SRRM2: variants seen among roughly 807,000 people sequenced by gnomAD.
The protein encoded by SRRM2 is serine/arginine repetitive matrix protein 2.
In SRRM2, 30 loss-of-function variants were observed where a neutral mutation model predicts 213.8. The ratio of observed to expected loss-of-function variants is 0.14; its 90% CI spans 0.10 to 0.19. The LOEUF is 0.19. Among genes scored for constraint, SRRM2 ranks in the 10% least tolerant of loss-of-function variants. The pLI is 1.00. For synonymous variants in SRRM2, 2,025 were observed against 1,377.7 expected, an observed-to-expected ratio of 1.47 and a Z score of -10.40; for missense variants, 4,904 against 3,647.0, an observed-to-expected ratio of 1.34 and a Z score of -8.88.
In SRRM2 at chr16:2,765,613, G is replaced by A. The variant is rs187050172; in HGVS notation, c.5085G>A (p.Pro1695=). ...PPRRRSSRSS[P]ELTRKARLSR... ...GACGTCGCAGCTCTCGATCATCTCC[G>A]GAGCTAACAAGGAAGGCCAGACTGT... Residue 1695 remains proline, a synonymous_variant, in exon 11 of 15, where the codon CCG becomes CCA. Coordinates refer to ENST00000301740, the MANE Select transcript of SRRM2 (RefSeq NM_016333.4). 33 of 1,614,072 alleles carry A rather than the reference G, an allele frequency of 2.0e-5. No homozygotes were observed. Among genetic ancestry groups the A allele is most frequent in the Admixed American group, 3.3e-5 (2 of 59,994 alleles).
intron 10 of SRRM2, chr16:2,760,818 C>T (rs1277389282): frequency 3.9e-6 from 1 of 255,686 alleles, no homozygotes; most frequent in Non-Finnish European, 7.7e-6. Context: ...TCTCTTTTTT[C>T]ATTAAATGCT....
rs148157976 is a variant in SRRM2 at position 2,765,387 on chromosome 16, C to T, written c.4859C>T (p.Ser1620Phe). Reference sequence around the variant, plus strand: ...CCCAGGGCACAGAGTGGTTCTGATTCCTCTCCTGAACCTAAAGCTCCAGCC... The same window carrying T: ...CCCAGGGCACAGAGTGGTTCTGATTTCTCTCCTGAACCTAAAGCTCCAGCC... Reference protein sequence around the residue: ...AAPRAQSGSDSSPEPKAPAPR... With the variant: ...AAPRAQSGSDFSPEPKAPAPR... The change falls in exon 11 of 15, where the codon TCC (serine) becomes TTC (phenylalanine). Residue 1620 changes from serine (S) to phenylalanine (F), a missense_variant. By Grantham distance (155) the Ser-to-Phe change is radical (BLOSUM62 -2). Coordinates refer to ENST00000301740, the MANE Select transcript of SRRM2 (RefSeq NM_016333.4). The T allele has an allele frequency of 6.8e-6, 11 of 1,614,160 alleles. No homozygotes were observed. The highest frequency in any genetic ancestry group is 1.1e-5 in the South Asian group (1 of 91,086).
rs2068367159 is a variant in SRRM2, at chr16:2,761,969, A to T, written c.1441A>T (p.Met481Leu). Residue 481 changes from methionine (M) to leucine (L), a missense_variant, in exon 11 of 15, where the codon ATG becomes TTG. Transcript: ENST00000301740. ...KSHSHTPSRR[M>L]GRSRSPATAK... ...ACATTCTCATACCCCCTCCCGTAGG[A>T]TGGGGAGGTCCCGTAGCCCTGCCAC... The T allele has an allele frequency of 1.2e-6, 2 of 1,613,992 alleles. No homozygotes were observed. Among genetic ancestry groups the T allele is most frequent in the Non-Finnish European group, 1.7e-6 (2 of 1,179,992 alleles).
At chr16:2,760,091 G>A in intron 9 of SRRM2, 1 of 610,468 alleles carries the variant, frequency 1.6e-6, no homozygotes, top group Non-Finnish European at 2.9e-6. Context: ...AGGGGTAGAG[G>A]GAGAACGCTC....
chr16:2,757,104 T>C (rs140968001), intron 2 of SRRM2, among the ~76,000 whole-genome samples: 114 of 152,302 alleles, frequency 7.5e-4, no homozygotes, highest in African/African-American at 2.5e-3. Flanking sequence ...AAAACTCTTT[T>C]AGAGCAGTGG....
In SRRM2 at chr16:2,764,045, C is replaced by G; in HGVS notation, c.3517C>G (p.Gln1173Glu). 6.2e-7 allele frequency: 1 copy of G among 1,614,166 alleles called. No individual in the cohort carries two copies. The highest frequency in any genetic ancestry group is 8.5e-7 in the Non-Finnish European group (1 of 1,180,032). The change falls in exon 11 of 15, where the codon CAG (glutamine) becomes GAG (glutamate). Residue 1173 changes from glutamine (Q) to glutamate (E), a missense_variant. By Grantham distance (29) the Gln-to-Glu change is conservative (BLOSUM62 2). Transcript: ENST00000301740. ...AAAAGAGAAAATGGCCTTACCCCCT[C>G]AGGAGGATGCTACTGCATCACCTCC... ...ESKEKMALPP[Q>E]EDATASPPRQ...
Position 2,757,524 on chromosome 16 carries a change from C to T in SRRM2, c.295C>T (p.Leu99=), listed in dbSNP as rs1462077844. 2 of 1,614,038 alleles carry T rather than the reference C, an allele frequency of 1.2e-6. No homozygotes were observed. The highest frequency in any genetic ancestry group is 1.7e-6 in the Non-Finnish European group (2 of 1,180,002). Residue 99 remains leucine, a synonymous_variant, in exon 3 of 15, where the codon CTG becomes TTG. Coordinates refer to ENST00000301740, the MANE Select transcript of SRRM2 (RefSeq NM_016333.4). ...AGTGGCGACCTTTCGACTCATGTTG[C>T]TGGAGAAGGATGTGAACCCTGGGGG... ...EKVATFRLML[L]EKDVNPGGKE... is the part of the protein sequence containing the mutation.
chr16:2,757,362 C>T, intron 2 of SRRM2, 110 bp from the exon 3 acceptor site: 2 of 849,928 alleles, frequency 2.4e-6, no homozygotes, highest in Non-Finnish European at 1.9e-6. Flanking sequence ...GCGAAAAGTT[C>T]TGTGTGCGCA....
At position 2,770,396 on chromosome 16, in the gene SRRM2, G is replaced by C. The variant is rs747619364; in HGVS notation, c.8066G>C (p.Arg2689Pro). The C allele has an allele frequency of 1.2e-5, 20 of 1,609,328 alleles. No individual in the cohort carries two copies. Among genetic ancestry groups the C allele is most frequent in the Non-Finnish European group, 1.7e-5 (20 of 1,178,026 alleles). The change falls in exon 13 of 15, where the codon CGG becomes CCG. Residue 2689 changes from arginine (R) to proline (P), a missense_variant. Arg to Pro is a moderately radical substitution (Grantham distance 103). Transcript: ENST00000301740. ...RKPIDSLRDS[R>P]SLSYSPVERR... ...CCAATAGACTCCCTCAGGGACTCTC[G>C]GTCCCTCAGCTACTCGCCTGTGGAG...
rs758284820 is a variant in SRRM2 at position 2,771,281 on chromosome 16, T to C, written c.*414T>C. ...AGGGGCAGGAGTTGGAATTAGTTGG[T>C]CCCTACTGTCCCCCATGAGGTTGTG... On this transcript the variant is annotated 3_prime_UTR_variant, in exon 15 of 15. Coordinates refer to ENST00000301740, the MANE Select transcript of SRRM2 (RefSeq NM_016333.4). The C allele has an allele frequency of 1.2e-6, 1 of 850,848 alleles. No individual in the cohort carries two copies. Among genetic ancestry groups the C allele is most frequent in the Non-Finnish European group, 1.9e-6 (1 of 516,948 alleles). 52.7% of individuals were successfully genotyped at this position (850,848 alleles called of 1,614,324 possible). A position where few individuals can be genotyped will look rare whatever the true frequency, so the allele number is the denominator to read the frequency against.
rs2068457478 is a variant in SRRM2, at chr16:2,764,118, A to C, written c.3590A>C (p.Glu1197Ala). The C allele has an allele frequency of 6.2e-7, 1 of 1,614,062 alleles. No homozygotes were observed. Among genetic ancestry groups the C allele is most frequent in the African/African-American group, 1.3e-5 (1 of 74,928 alleles). Reference sequence around the variant, plus strand: ...CCCTTTCCAGTACAGGATAGGCCTGAGTCTTCACTGGTATTCAAAGACACA... The same window carrying C: ...CCCTTTCCAGTACAGGATAGGCCTGCGTCTTCACTGGTATTCAAAGACACA... ...FSPFPVQDRP[E>A]SSLVFKDTLR... The change falls in exon 11 of 15, where the codon GAG becomes GCG. Residue 1197 changes from glutamate to alanine, a missense_variant. By Grantham distance (107) the Glu-to-Ala change is moderately radical. Coordinates refer to ENST00000301740, the MANE Select transcript of SRRM2 (RefSeq NM_016333.4).
At position 2,763,821 on chromosome 16, in the gene SRRM2, G is replaced by C; in HGVS notation, c.3293G>C (p.Arg1098Pro). 6.2e-7 allele frequency: 1 copy of C among 1,614,118 alleles called. No individual in the cohort carries two copies. The highest frequency in any genetic ancestry group is 8.5e-7 in the Non-Finnish European group (1 of 1,180,014). Reference sequence around the variant, plus strand: ...TCTCAAACATCACCTAAGGGAGGTCGGTCCAGGTCTTCATCTCCAGTCACT... The same window carrying C: ...TCTCAAACATCACCTAAGGGAGGTCCGTCCAGGTCTTCATCTCCAGTCACT... ...SKSQTSPKGG[R>P]SRSSSPVTEL... Residue 1098 changes from arginine to proline, a missense_variant, in exon 11 of 15, where the codon CGG becomes CCG. Arg to Pro is a moderately radical substitution (Grantham distance 103, BLOSUM62 -2). Transcript: ENST00000301740.
chr16:2,754,514 T>G (rs1226429204), intron 1 of SRRM2, among the ~76,000 whole-genome samples: 2 of 152,140 alleles, frequency 1.3e-5, no homozygotes, highest in Non-Finnish European at 2.9e-5. Context: ...CTGGTGTCAA[T>G]CTCCTGATCT....
Position 2,762,540 on chromosome 16 carries a change from C to G in SRRM2, c.2012C>G (p.Ser671Cys), listed in dbSNP as rs559774892. ...RTPARRGRSR[S>C]RTPARRSGRS... ...CCAGCCAGACGTGGCCGCTCACGCTCTAGAACCCCAGCTAGACGCAGTGGT... is the reference window on the plus strand; with the variant it reads ...CCAGCCAGACGTGGCCGCTCACGCTGTAGAACCCCAGCTAGACGCAGTGGT... Residue 671 changes from serine to cysteine, a missense_variant, in exon 11 of 15, where the codon TCT becomes TGT. Ser to Cys is a moderately radical substitution (Grantham distance 112). Transcript: ENST00000301740. 1.9e-6 allele frequency: 3 copies of G among 1,614,042 alleles called. No individual in the cohort carries two copies. Among genetic ancestry groups the G allele is most frequent in the Non-Finnish European group, 2.5e-6 (3 of 1,180,008 alleles).
chr16:2,758,337 C>T (rs988761240), intron 4 of SRRM2, 133 bp from the exon 5 acceptor site: 20 of 838,236 alleles, frequency 2.4e-5, no homozygotes, highest in African/African-American at 6.9e-5. Context: ...TGCCACTGCA[C>T]CCCACCTGAG....
Position 2,767,277 on chromosome 16 carries a change from T to C in SRRM2, c.6749T>C (p.Ile2250Thr). Residue 2250 changes from isoleucine (I) to threonine (T), a missense_variant, in exon 11 of 15, where the codon ATT becomes ACT. Physicochemically the swap from Ile to Thr is moderately conservative, Grantham distance 89 (BLOSUM62 -1). Transcript: ENST00000301740. ...CTAGCCAGCGCCAGGACACCTGCCA[T>C]TCCAACAGCAGTGAACCTGGCTGAC... ...MNLASARTPA[I>T]PTAVNLADSR... 1.2e-6 allele frequency: 2 copies of C among 1,614,028 alleles called. No individual in the cohort carries two copies. Among genetic ancestry groups the C allele is most frequent in the Non-Finnish European group, 1.7e-6 (2 of 1,180,010 alleles).
rs746418445 is a variant in SRRM2 at position 2,767,356 on chromosome 16, G to A, written c.6828G>A (p.Ala2276=). The A allele has an allele frequency of 5.6e-6, 9 of 1,613,524 alleles. No individual in the cohort carries two copies. Among genetic ancestry groups the A allele is most frequent in the South Asian group, 3.3e-5 (3 of 91,078 alleles). Residue 2276 remains alanine, a synonymous_variant, in exon 11 of 15, where the codon GCG becomes GCA. Transcript: ENST00000301740. ...TGAACTTGGCCAGCCCCAGAACAGC[G>A]GTGGCACCTTCGGCTGTGAACCTGG... ...AAMNLASPRT[A]VAPSAVNLAD...
chr16:2,767,492 A>G lies in SRRM2; in HGVS notation c.6964A>G (p.Asn2322Asp), dbSNP rs765509060. The G allele has an allele frequency of 2.5e-5, 40 of 1,613,992 alleles. No individual in the cohort carries two copies. Among genetic ancestry groups the G allele is most frequent in the African/African-American group, 1.3e-5 (1 of 74,872 alleles). The part of the protein sequence containing the change: ...TGSGTPPTAA[N>D]YPSSSRTPQA... ...CTCTGGCACACCACCAACTGCTGCA[A>G]ACTATCCCTCCAGCTCCAGAACACC... is the stretch of plus-strand genomic sequence containing the variant. The change falls in exon 11 of 15, where the codon AAC (asparagine) becomes GAC (aspartate). Residue 2322 changes from asparagine (N) to aspartate (D), a missense_variant. Transcript: ENST00000301740.
intron 10 of SRRM2, chr16:2,760,862 C>G (rs2285878): frequency 0.97 from 198,587 of 205,536 alleles, 96,408 homozygotes; most frequent in African/African-American, 1. Flanking sequence ...TAATCCATTG[C>G]GTTGCCACCA....
Sources: allele counts gnomAD v4.1 joint callset (sites outside exome capture counted in the v4.1 genomes callset), GRCh38; gene constraint gnomAD v4.1.1; transcripts MANE v1.5; gene names NCBI Gene and HGNC (gene_info 2026-07-23, HGNC 2026-07-21).